TLK1: variants seen among roughly 807,000 people sequenced by gnomAD.
TLK1 encodes tousled like kinase 1, also known as serine/threonine-protein kinase tousled-like 1.
Under a neutral mutation model 105.3 loss-of-function variants are expected in TLK1, and 24 were observed. The observed-to-expected ratio is 0.23, with a 90% CI of 0.17 to 0.32. The LOEUF (loss-of-function observed/expected upper bound fraction) is 0.32. TLK1 is among the 10% of genes least tolerant of loss of function. The pLI is 1.00. For synonymous variants in TLK1, 321 were observed against 310.4 expected (o/e 1.03, Z -0.36); for missense variants, 558 against 910.5 (o/e 0.61, Z 4.98).
At chr2:171,046,865 C>A (rs1194199294) in intron 10 of TLK1, among the ~76,000 whole-genome samples, 1 of 152,066 alleles carries the variant, frequency 6.6e-6, no homozygotes, top group Non-Finnish European at 1.5e-5. Context: ...TGCATCTCAC[C>A]ACAGTATTTG....
intron 1 of TLK1, among the ~76,000 whole-genome samples, chr2:171,127,479 G>A (rs941596120): frequency 6.6e-6 from 1 of 151,904 alleles, no homozygotes; most frequent in Non-Finnish European, 1.5e-5. Context: ...TCCACAGTTT[G>A]ATTCCCTACT....
chr2:171,171,396 G>A (rs1307881069), intron 1 of TLK1, among the ~76,000 whole-genome samples: 1 of 151,778 alleles, frequency 6.6e-6, no homozygotes, highest in Non-Finnish European at 1.5e-5. Flanking sequence ...TGGGTGCAGT[G>A]GTATGCACCT....
chr2:170,997,488 CTTTTCTTAAAAAAAGGAAAG>C (rs997069425), intron 19 of TLK1, among the ~76,000 whole-genome samples: 1 of 151,942 alleles, frequency 6.6e-6, no homozygotes, highest in Non-Finnish European at 1.5e-5. Flanking sequence ...ATAGTTACTT[CTTTTCTTAAAAAAAGGAAAG>C]AAAGCAAAAA....
In TLK1 at chr2:171,061,097, C is replaced by G. The variant is rs767889130; in HGVS notation, c.390G>C (p.Gln130His). The change falls in exon 4 of 21, where the codon CAG (glutamine) becomes CAC (histidine). Residue 130 changes from glutamine to histidine, a missense_variant. Physicochemically the swap from Gln to His is conservative, Grantham distance 24. Coordinates refer to ENST00000431350, the MANE Select transcript of TLK1 (RefSeq NM_012290.5). ...TGTGCTTACCCTGACTACTTTCATT[C>G]TGGTTTTCTGCTTTTCTCTTTCTTC... ...SRGRKRKAENQNESSQGKSIG... is the reference protein window; with the variant it reads ...SRGRKRKAENHNESSQGKSIG... 1 of 1,613,576 alleles carries G rather than the reference C, an allele frequency of 6.2e-7. No homozygotes were observed. Among genetic ancestry groups the G allele is most frequent in the Non-Finnish European group, 8.5e-7 (1 of 1,179,718 alleles).
At chr2:171,114,472 A>G (rs1320293155) in intron 2 of TLK1, among the ~76,000 whole-genome samples, 1 of 152,212 alleles carries the variant, frequency 6.6e-6, no homozygotes, top group African/African-American at 2.4e-5. Context: ...AGAATGGTCA[A>G]GGAGATGGGC....
chr2:171,188,705 CAAAA>C (rs998138338), intron 1 of TLK1, among the ~76,000 whole-genome samples: 2 of 44,652 alleles, frequency 4.5e-5, no homozygotes, highest in African/African-American at 7.9e-5. Flanking sequence ...GACTCTGTCT[CAAAA>C]AAAAAAAAAA....
At chr2:171,110,895 A>G (rs1220173137) in intron 2 of TLK1, among the ~76,000 whole-genome samples, 1 of 152,226 alleles carries the variant, frequency 6.6e-6, no homozygotes, top group African/African-American at 2.4e-5. Context: ...CCATGGGGAG[A>G]AAGTCCCATA....
chr2:171,058,070 T>C (rs1687584885), intron 5 of TLK1, 81 bp downstream of exon 5: 8 of 1,433,538 alleles, frequency 5.6e-6, no homozygotes, highest in Admixed American at 1.7e-5. Flanking sequence ...AAAGCTGACC[T>C]TGTGCTTCTA....
chr2:171,024,092 T>C (rs1685663529), intron 12 of TLK1, among the ~76,000 whole-genome samples: 1 of 152,204 alleles, frequency 6.6e-6, no homozygotes. Context: ...CTACAAGCTT[T>C]TATTAAGTAA....
intron 1 of TLK1, among the ~76,000 whole-genome samples, chr2:171,157,307 T>C (rs1692277581): frequency 6.6e-6 from 1 of 152,162 alleles, no homozygotes; most frequent in Non-Finnish European, 1.5e-5. Context: ...TGACACTAGG[T>C]TCCTAGACTT....
chr2:171,180,094 CAAAAA>C (rs57360155), intron 1 of TLK1, among the ~76,000 whole-genome samples: 1 of 68,730 alleles, frequency 1.5e-5, no homozygotes, highest in Non-Finnish European at 3.3e-5. Flanking sequence ...GACTCTGTCT[CAAAAA>C]AAAAAAAAAA....
intron 1 of TLK1, among the ~76,000 whole-genome samples, chr2:171,137,377 A>G (rs186473065): frequency 6.6e-6 from 1 of 152,332 alleles, no homozygotes; most frequent in Admixed American, 6.5e-5. Context: ...TTCAAAAAAG[A>G]ATATCAACAA....
chr2:171,034,105 A>T (rs921747276), intron 11 of TLK1, among the ~76,000 whole-genome samples: 19 of 152,224 alleles, frequency 1.2e-4, no homozygotes, highest in African/African-American at 4.6e-4. Context: ...TATGATTTTT[A>T]AAATGGCAAA....
intron 1 of TLK1, among the ~76,000 whole-genome samples, chr2:171,221,557 C>T (rs770626420): frequency 4.6e-5 from 7 of 152,210 alleles, no homozygotes; most frequent in African/African-American, 1.7e-4. Flanking sequence ...ATGGTCCGAT[C>T]TATTTTTCTA....
At chr2:171,056,708 A>C (rs200774824) in intron 5 of TLK1, 142 bp from the exon 6 acceptor site, 19 of 469,546 alleles carry the variant, frequency 4.0e-5, no homozygotes, top group African/African-American at 1.2e-4. Flanking sequence ...AAAAAAAAAA[A>C]ACACAAGGTC....
intron 3 of TLK1, among the ~76,000 whole-genome samples, chr2:171,068,290 T>C (rs1280453777): frequency 6.6e-6 from 1 of 151,916 alleles, no homozygotes; most frequent in Non-Finnish European, 1.5e-5. Context: ...GATCGCGCCA[T>C]TGCACTCCAG....
chr2:171,085,657 T>C (rs562822469), intron 2 of TLK1, among the ~76,000 whole-genome samples: 7 of 152,150 alleles, frequency 4.6e-5, no homozygotes, highest in South Asian at 2.1e-4. Flanking sequence ...ATGGAAAGCA[T>C]AGATAAACGG....
At chr2:171,160,936 A>C, upstream of TLK1, 2 of 199,276 alleles carry the variant, frequency 1.0e-5, no homozygotes, top group Non-Finnish European at 1.9e-5. This position sits in a 1 kb window ranked among gnomAD's most constrained non-coding sequence, Gnocchi z 4.4. Context: ...GCCTGTGCAA[A>C]CACTATCGCG....
At chr2:171,124,978 A>G (rs761197822) in intron 1 of TLK1, among the ~76,000 whole-genome samples, 4 of 152,222 alleles carry the variant, frequency 2.6e-5, no homozygotes, top group Non-Finnish European at 4.4e-5. Context: ...TTAATTGACT[A>G]GTGATGTTGC....
Sources: allele counts gnomAD v4.1 joint callset (sites outside exome capture counted in the v4.1 genomes callset), GRCh38; gene constraint gnomAD v4.1.1; non-coding constraint Gnocchi (gnomAD v3.1); transcripts MANE v1.5; gene names NCBI Gene and HGNC (gene_info 2026-07-23, HGNC 2026-07-21).